Variants in PPP2R2B observed in about 807,000 individuals in gnomAD.
PPP2R2B encodes the protein serine/threonine-protein phosphatase 2A 55 kDa regulatory subunit B beta isoform.
A neutral mutation model predicts 46.0 loss-of-function variants in PPP2R2B; 5 were observed. The observed-to-expected ratio is 0.11, with a 90% confidence interval of 0.06 to 0.23. PPP2R2B has a LOEUF of 0.23. Ranked by LOEUF, PPP2R2B falls within the 10% of genes least tolerant of loss-of-function variation. PPP2R2B has a pLI of 1.00. For missense variants in PPP2R2B, 367 were observed against 575.0 expected (o/e 0.64, Z 3.70); for synonymous variants, 215 against 206.7 (o/e 1.04, Z -0.34).
rs150375639 is a variant in PPP2R2B, at chr5:146,958,455, C to T, written c.79+97210G>A. 3.9e-3 allele frequency among the ~76,000 whole-genome samples: 592 copies of T among 152,254 alleles called. 1 individual carries two copies. The highest frequency in any genetic ancestry group is 0.014 in the African/African-American group (564 of 41,562). On this transcript the variant is annotated intron_variant, in intron 1 of 8. Coordinates refer to the PPP2R2B transcript ENST00000336640. ...AATCCATAAAATTAGTGTTAGTCAT[C>T]TTACCTCTGTAACCTCTTATTACTT...
At chr5:146,833,809 C>A (rs1210670523) in intron 2 of PPP2R2B, among the ~76,000 whole-genome samples, 6 of 151,812 alleles carry the variant, frequency 4.0e-5, no homozygotes, top group African/African-American at 1.5e-4. Context: ...TACTGATCCC[C>A]TCATCCCCTA....
intron 1 of PPP2R2B, among the ~76,000 whole-genome samples, chr5:146,884,247 G>A (rs1762256445): frequency 6.6e-6 from 1 of 152,018 alleles, no homozygotes; most frequent in South Asian, 2.1e-4. Context: ...AGTTATGTCA[G>A]TTCCAGAGCA....
At chr5:146,815,878 T>C (rs1031724408) in intron 2 of PPP2R2B, among the ~76,000 whole-genome samples, 2 of 152,242 alleles carry the variant, frequency 1.3e-5, no homozygotes, top group Non-Finnish European at 1.5e-5. Context: ...AGCTGCTTTG[T>C]TGAAATTTTT....
intron 2 of PPP2R2B, among the ~76,000 whole-genome samples, chr5:146,741,501 CA>C (rs2151221066): frequency 6.6e-6 from 1 of 152,282 alleles, no homozygotes; most frequent in African/African-American, 2.4e-5. Flanking sequence ...TTGTAGATGG[CA>C]TGCTTCTTGG....
chr5:146,617,076 T>C (rs1773237451), intron 7 of PPP2R2B: 1 of 152,184 alleles, frequency 6.6e-6, no homozygotes, highest in Admixed American at 6.5e-5. Flanking sequence ...TGCAACAACA[T>C]GGATGGAACT....
chr5:146,680,399 G>T (rs1365022525), intron 5 of PPP2R2B, among the ~76,000 whole-genome samples: 4 of 136,360 alleles, frequency 2.9e-5, no homozygotes, highest in Admixed American at 7.0e-5. Context: ...CTGTTGTGGG[G>T]TGGGGTGGGG....
At chr5:146,836,728 T>G (rs533092664) in intron 2 of PPP2R2B, among the ~76,000 whole-genome samples, 3 of 152,356 alleles carry the variant, frequency 2.0e-5, no homozygotes, top group African/African-American at 7.2e-5. Flanking sequence ...TTCAGAGAGA[T>G]AGCTACAGAC....
intron 7 of PPP2R2B, among the ~76,000 whole-genome samples, chr5:146,602,171 T>G (rs1390021978): frequency 6.6e-6 from 1 of 152,222 alleles, no homozygotes; most frequent in Non-Finnish European, 1.5e-5. Context: ...TATTTAGTAT[T>G]TGCTCAGGTA....
chr5:146,831,498 CAAAAAA>C (rs34975709), intron 2 of PPP2R2B, among the ~76,000 whole-genome samples: 3 of 54,948 alleles, frequency 5.5e-5, no homozygotes, highest in East Asian at 5.8e-4. Flanking sequence ...CTCCATCTCT[CAAAAAA>C]AAAAAAAAAA....
chr5:146,749,626 T>TC (rs1444871522), intron 2 of PPP2R2B, among the ~76,000 whole-genome samples: 6 of 147,638 alleles, frequency 4.1e-5, no homozygotes, highest in Non-Finnish European at 5.9e-5. Flanking sequence ...TTTTTTTTTT[T>TC]CGAGATGGAG....
chr5:146,957,829 G>A lies in PPP2R2B; in HGVS notation c.79+97836C>T, dbSNP rs551605073. Among the ~76,000 whole-genome samples the A allele has an allele frequency of 2.0e-5, 3 of 152,194 alleles. No individual in the cohort carries two copies. The South Asian group carries it at 6.2e-4, about 32-fold the overall frequency. On this transcript the variant is annotated intron_variant, in intron 1 of 8. Transcript: ENST00000336640. ...GTGCTAGGTCTAGAGGAGAGGAAGT[G>A]GGAAGACTATATCCCTTTTTCACAG... is the stretch of plus-strand genomic sequence containing the variant.
At chr5:146,676,076 T>A (rs1777690776) in intron 5 of PPP2R2B, among the ~76,000 whole-genome samples, 1 of 152,096 alleles carries the variant, frequency 6.6e-6, no homozygotes, top group Non-Finnish European at 1.5e-5. Flanking sequence ...GGCCATGCCC[T>A]GACATGTATT....
intron 1 of PPP2R2B, among the ~76,000 whole-genome samples, chr5:146,937,022 C>T (rs1177582309): frequency 1.3e-5 from 2 of 152,230 alleles, no homozygotes; most frequent in South Asian, 2.1e-4. Flanking sequence ...GGTTACTAGG[C>T]TAGGTGTGGT....
At chr5:146,634,266 A>AT (rs1462102432) in intron 7 of PPP2R2B, among the ~76,000 whole-genome samples, 2 of 152,008 alleles carry the variant, frequency 1.3e-5, no homozygotes, top group African/African-American at 2.4e-5. Context: ...GGAACATTGT[A>AT]TTTTTCCCCC....
At chr5:147,053,107 T>C (rs908385296) in intron 1 of PPP2R2B, among the ~76,000 whole-genome samples, 1 of 151,922 alleles carries the variant, frequency 6.6e-6, no homozygotes, top group South Asian at 2.1e-4. Context: ...TTGTTACCTA[T>C]ATTTTTAAAT....
intron 2 of PPP2R2B, among the ~76,000 whole-genome samples, chr5:146,781,263 T>G (rs1322688751): frequency 2.7e-5 from 4 of 147,630 alleles, no homozygotes; most frequent in Non-Finnish European, 6.0e-5. Flanking sequence ...GTAGTGTGAG[T>G]ATATCAACCC....
chr5:146,882,974 T>C (rs548831295), upstream of PPP2R2B, among the ~76,000 whole-genome samples: 2 of 152,236 alleles, frequency 1.3e-5, no homozygotes, highest in East Asian at 3.9e-4. Flanking sequence ...CCCCCAACAC[T>C]CACATACCCA....
At chr5:146,894,052 A>G (rs1762571000) in intron 1 of PPP2R2B, among the ~76,000 whole-genome samples, 2 of 152,168 alleles carry the variant, frequency 1.3e-5, no homozygotes, top group South Asian at 4.1e-4. Context: ...TCTCAAAACA[A>G]CAACAATAAC....
intron 2 of PPP2R2B, among the ~76,000 whole-genome samples, chr5:146,859,967 T>A (rs1432889): frequency 0.012 from 1,766 of 152,312 alleles, 37 homozygotes; most frequent in African/African-American, 0.041. Context: ...ATATGGTATT[T>A]AGCACTATTA....
Sources: gnomAD v4.1 joint callset for allele counts (sites outside exome capture counted in the v4.1 genomes callset) on GRCh38, gnomAD v4.1.1 for gene constraint, MANE v1.5 for transcripts, NCBI Gene and HGNC (gene_info 2026-07-23, HGNC 2026-07-21) for gene names.